The following CFAP44 variants were observed in gnomAD, a reference collection of about 807,000 sequenced individuals.
CFAP44 encodes cilia- and flagella-associated protein 44.
A neutral mutation model predicts 216.2 loss-of-function variants in CFAP44; 134 were observed. The observed-to-expected ratio is 0.62, with a 90% CI of 0.54 to 0.72. CFAP44 has a LOEUF of 0.72. Among genes scored for constraint, CFAP44 ranks in the 30% least tolerant of loss-of-function variants. CFAP44 has a pLI of 0.00. For missense variants in CFAP44, 2,035 were observed against 2,182.1 expected, an observed-to-expected ratio of 0.93 and a Z score of 1.34; for synonymous variants, 700 against 727.6, an observed-to-expected ratio of 0.96 and a Z score of 0.61.
intron 17 of CFAP44, among the ~76,000 whole-genome samples, chr3:113,378,124 A>G (rs932950223): frequency 1.8e-4 from 28 of 152,082 alleles, no homozygotes; most frequent in Non-Finnish European, 8.8e-5. Context: ...AATCTTCCCA[A>G]TCTTCCCAAT....
At chr3:113,373,915 C>T (rs1933254485) in intron 17 of CFAP44, among the ~76,000 whole-genome samples, 1 of 152,088 alleles carries the variant, frequency 6.6e-6, no homozygotes, top group South Asian at 2.1e-4. Flanking sequence ...GTTTTTACAG[C>T]TAGTTTGCAG....
chr3:113,427,527 T>C (rs1934995244), intron 2 of CFAP44, 188 bp from the exon 3 acceptor site: 2 of 500,142 alleles, frequency 4.0e-6, no homozygotes, highest in Non-Finnish European at 3.4e-6. Context: ...CTTTTCTGTT[T>C]GTTAATCTCC....
At chr3:113,342,540 T>C (rs1194525434) in intron 23 of CFAP44, among the ~76,000 whole-genome samples, 2 of 152,084 alleles carry the variant, frequency 1.3e-5, no homozygotes, top group Non-Finnish European at 2.9e-5. Context: ...ACTAACATGT[T>C]GGGAAAGAGT....
intron 28 of CFAP44, among the ~76,000 whole-genome samples, chr3:113,316,606 C>T (rs113403333): frequency 0.019 from 2,952 of 152,126 alleles, 96 homozygotes; most frequent in African/African-American, 0.067. Flanking sequence ...TAGTGGCTCA[C>T]GCCTGTAATC....
chr3:113,295,940 C>G (rs571231579), intron 33 of CFAP44, among the ~76,000 whole-genome samples: 1 of 152,310 alleles, frequency 6.6e-6, no homozygotes, highest in Non-Finnish European at 1.5e-5. Flanking sequence ...TGTACATGTA[C>G]AAGTCTGTGA....
chr3:113,342,833 T>C (rs541741384), intron 23 of CFAP44, among the ~76,000 whole-genome samples: 2 of 143,344 alleles, frequency 1.4e-5, no homozygotes, highest in African/African-American at 5.3e-5. Context: ...CTGCTAAAAA[T>C]ACATAAAAAA....
At chr3:113,364,442 G>A (rs536083430) in intron 19 of CFAP44, among the ~76,000 whole-genome samples, 1 of 152,036 alleles carries the variant, frequency 6.6e-6, no homozygotes, top group Non-Finnish European at 1.5e-5. Context: ...TTTAATAAAA[G>A]CAAAGTCATA....
intron 32 of CFAP44, among the ~76,000 whole-genome samples, chr3:113,297,951 G>C (rs927374960): frequency 6.6e-6 from 1 of 152,196 alleles, no homozygotes; most frequent in African/African-American, 2.4e-5. Flanking sequence ...ATCCAGGAGG[G>C]GCTATTCACT....
chr3:113,370,674 C>A (rs1044681188), intron 18 of CFAP44, among the ~76,000 whole-genome samples: 2 of 152,170 alleles, frequency 1.3e-5, no homozygotes, highest in Non-Finnish European at 2.9e-5. Context: ...TGGCACAAGA[C>A]AAGGATGTGC....
chr3:113,362,786 G>T (rs1950553804), intron 21 of CFAP44: 2 of 687,270 alleles, frequency 2.9e-6, no homozygotes, highest in Non-Finnish European at 1.9e-6. Context: ...GCCAGCCACC[G>T]GACGCTTCAG....
intron 15 of CFAP44, among the ~76,000 whole-genome samples, chr3:113,383,335 A>G (rs1011604068): frequency 1.3e-5 from 2 of 152,194 alleles, no homozygotes; most frequent in Admixed American, 1.3e-4. Context: ...TTCCTGCTGC[A>G]TCGATGGTGG....
At position 113,400,018 on chromosome 3, in the gene CFAP44, T is replaced by C; in HGVS notation, c.1475-18A>G. ...AACAGAGCCTATAGAAAGACAGTTT[T>C]AAAAGAAAAAAAATTATATACATAA... On this transcript the variant is annotated intron_variant, in intron 12 of 34. Transcript: ENST00000393845. 1 of 1,499,646 alleles carries C rather than the reference T, an allele frequency of 6.7e-7. No individual in the cohort carries two copies. Among genetic ancestry groups the C allele is most frequent in the Non-Finnish European group, 8.9e-7 (1 of 1,122,998 alleles). The allele number at this position is 1,499,646 out of a possible 1,614,324, so 92.9% of individuals were successfully genotyped here. A position where few individuals can be genotyped will look rare whatever the true frequency, so the allele number is the denominator to read the frequency against.
chr3:113,323,490 T>A (rs1950162976), intron 28 of CFAP44, among the ~76,000 whole-genome samples: 1 of 152,046 alleles, frequency 6.6e-6, no homozygotes, highest in South Asian at 2.1e-4. Flanking sequence ...GAGGGGGGCA[T>A]TGGCTGAAAA....
rs191014780 is a variant in CFAP44 at position 113,292,195 on chromosome 3, G to A, written c.5374-447C>T. Among the ~76,000 whole-genome samples the A allele has an allele frequency of 2.0e-5, 3 of 151,306 alleles. No homozygotes were observed. The East Asian group carries it at 5.8e-4, about 29-fold the overall frequency. On this transcript the variant is annotated intron_variant, in intron 34 of 34. Coordinates refer to ENST00000393845, the MANE Select transcript of CFAP44 (RefSeq NM_001164496.2). ...CTTCTTTGCCCCATGGACTAGGTTA[G>A]GATTTCCTGCTTTCTGTTTTATCGA...
chr3:113,420,016 C>T lies in CFAP44; in HGVS notation c.570+1G>A, dbSNP rs754363411. ...TTTTTTCTAATTTATTGAAGGCATACCCCAATGACGCCAATTCCTTCACCA... is the reference window on the plus strand; with the variant it reads ...TTTTTTCTAATTTATTGAAGGCATATCCCAATGACGCCAATTCCTTCACCA... On this transcript the variant is annotated splice_donor_variant, in intron 5 of 34. Coordinates refer to ENST00000393845, the MANE Select transcript of CFAP44 (RefSeq NM_001164496.2). LOFTEE classifies it high-confidence loss of function. The T allele has an allele frequency of 6.2e-7, 1 of 1,612,020 alleles. No individual in the cohort carries two copies. The highest frequency in any genetic ancestry group is 2.2e-5 in the East Asian group (1 of 44,826).
intron 29 of CFAP44, among the ~76,000 whole-genome samples, chr3:113,307,329 T>A (rs1326150070): frequency 2.0e-5 from 3 of 152,242 alleles, no homozygotes; most frequent in Non-Finnish European, 4.4e-5. Flanking sequence ...CTGAATCAAC[T>A]GTCAATTGTC....
At chr3:113,423,656 A>G (rs1262700060) in intron 4 of CFAP44, among the ~76,000 whole-genome samples, 1 of 152,228 alleles carries the variant, frequency 6.6e-6, no homozygotes, top group African/African-American at 2.4e-5. Context: ...AACACTGTTA[A>G]GTTCTGTATA....
intron 9 of CFAP44, among the ~76,000 whole-genome samples, chr3:113,403,553 G>A (rs1934197018): frequency 6.6e-6 from 1 of 152,236 alleles, no homozygotes; most frequent in Admixed American, 6.5e-5. Context: ...GGAAGGATAT[G>A]TGGGTCTACT....
intron 22 of CFAP44, among the ~76,000 whole-genome samples, chr3:113,346,336 G>C (rs1318491663): frequency 6.9e-6 from 1 of 145,902 alleles, no homozygotes; most frequent in African/African-American, 2.6e-5. Flanking sequence ...AGGACTGTAA[G>C]TGCACCAATC....
Sources: allele counts gnomAD v4.1 joint callset (sites outside exome capture counted in the v4.1 genomes callset), GRCh38; gene constraint gnomAD v4.1.1; transcripts MANE v1.5; gene names NCBI Gene and HGNC (gene_info 2026-07-23, HGNC 2026-07-21).